Variants in SLC25A21 observed in about 807,000 individuals in gnomAD.
SLC25A21 encodes the protein mitochondrial 2-oxodicarboxylate carrier.
A neutral mutation model predicts 43.8 loss-of-function variants in SLC25A21; 47 were observed. That is an observed-to-expected ratio of 1.07 (90% CI 0.85 to 1.37). The LOEUF (loss-of-function observed/expected upper bound fraction) is 1.37. Ranked by LOEUF, SLC25A21 falls within the 40% of genes most tolerant of loss-of-function variation. The probability of loss-of-function intolerance (pLI) is 0.00; values close to 1 mark genes in which losing one functional copy is unlikely to be tolerated. For missense variants in SLC25A21, 352 were observed against 350.2 expected (o/e 1.00, Z -0.04); for synonymous variants, 131 against 121.3 (o/e 1.08, Z -0.52).
chr14:36,740,624 C>A lies in SLC25A21; in HGVS notation c.204-6051G>T, dbSNP rs1005356468. On this transcript the variant is annotated intron_variant, in intron 3 of 9. Transcript: ENST00000331299. ...AAAATAATTTTATCCCTCATTCAAC[C>A]CCCCCACCCCCATCTTAAAAGTGTG... Among the ~76,000 whole-genome samples the A allele has an allele frequency of 3.8e-4, 50 of 132,180 alleles. No individual in the cohort carries two copies. In the Middle Eastern group the frequency reaches 0.012, roughly 32 times the overall value. 86.7% of individuals were successfully genotyped at this position (132,180 alleles called of 152,430 possible). A position where few individuals can be genotyped will look rare whatever the true frequency, so the allele number is the denominator to read the frequency against.
intron 2 of SLC25A21, among the ~76,000 whole-genome samples, chr14:36,826,932 T>C (rs971294023): frequency 1.3e-5 from 2 of 152,178 alleles, no homozygotes; most frequent in Non-Finnish European, 2.9e-5. Flanking sequence ...CTCTAAGGGC[T>C]TAATAGTGTC....
At chr14:36,684,700 C>T (rs373715236) in intron 8 of SLC25A21, 44 bp downstream of exon 8, 46 of 1,541,748 alleles carry the variant, frequency 3.0e-5, no homozygotes, top group Non-Finnish European at 3.3e-5. Context: ...TCTAACAATA[C>T]GTGAGCCTCA....
chr14:36,696,643 G>GT (rs1566505901), intron 7 of SLC25A21, among the ~76,000 whole-genome samples: 2 of 151,048 alleles, frequency 1.3e-5, no homozygotes, highest in East Asian at 2.0e-4. Context: ...TTGGGAGGGT[G>GT]TATGTGTCCA....
At chr14:37,082,409 T>A (rs1029892411) in intron 1 of SLC25A21, among the ~76,000 whole-genome samples, 1 of 152,148 alleles carries the variant, frequency 6.6e-6, no homozygotes, top group East Asian at 1.9e-4. Context: ...TGAAATTTTT[T>A]AAAAACCTAA....
rs528716559 is a variant in SLC25A21 at position 36,682,038 on chromosome 14, T to C, written c.839-1319A>G. Among the ~76,000 whole-genome samples, 4 of 152,226 alleles carry C rather than the reference T, an allele frequency of 2.6e-5. No individual in the cohort carries two copies. The South Asian group carries it at 6.2e-4, about 24-fold the overall frequency. The stretch of plus-strand genomic sequence containing the variant: ...AATCACAGACTTCAAGATTCTTTCA[T>C]GGAAGGTACCTGATTGTTAGCCACA... On this transcript the variant is annotated intron_variant, in intron 9 of 9. Coordinates refer to ENST00000331299, the MANE Select transcript of SLC25A21 (RefSeq NM_030631.4).
chr14:36,993,708 G>GGGA (rs754139247), intron 1 of SLC25A21, among the ~76,000 whole-genome samples: 33 of 152,212 alleles, frequency 2.2e-4, no homozygotes, highest in Non-Finnish European at 3.7e-4. Flanking sequence ...CATCATAAAT[G>GGGA]TTAACTAGTG....
chr14:36,937,737 A>G (rs1892459770), intron 1 of SLC25A21, among the ~76,000 whole-genome samples: 2 of 152,184 alleles, frequency 1.3e-5, no homozygotes. Context: ...TCAGCCACAC[A>G]GGGAGCCAGA....
At chr14:36,967,926 C>A (rs1041815034) in intron 1 of SLC25A21, among the ~76,000 whole-genome samples, 15 of 152,242 alleles carry the variant, frequency 9.9e-5, no homozygotes, top group African/African-American at 3.4e-4. Flanking sequence ...AATGGTCACC[C>A]AAACGAGTGC....
intron 3 of SLC25A21, among the ~76,000 whole-genome samples, chr14:36,782,950 A>T (rs1488407941): frequency 7.9e-6 from 1 of 126,472 alleles, no homozygotes; most frequent in Non-Finnish European, 1.7e-5. Flanking sequence ...CTTAAAGTAT[A>T]ATAAAAAAAT....
chr14:36,776,396 C>G (rs984188955), intron 3 of SLC25A21, among the ~76,000 whole-genome samples: 1 of 151,554 alleles, frequency 6.6e-6, no homozygotes, highest in Non-Finnish European at 1.5e-5. Flanking sequence ...GCCACCATGC[C>G]AGGCTAATTT....
At chr14:37,083,827 C>G (rs531801373) in intron 1 of SLC25A21, among the ~76,000 whole-genome samples, 1 of 152,302 alleles carries the variant, frequency 6.6e-6, no homozygotes, top group African/African-American at 2.4e-5. Context: ...AAGCACTACT[C>G]TAAACCACTA....
At chr14:36,898,397 G>A (rs1242533393) in intron 1 of SLC25A21, among the ~76,000 whole-genome samples, 1 of 152,154 alleles carries the variant, frequency 6.6e-6, no homozygotes, top group East Asian at 1.9e-4. Context: ...GCAGTATTAG[G>A]GTGGGAGTGA....
At chr14:36,816,490 T>A (rs972632687) in intron 2 of SLC25A21, among the ~76,000 whole-genome samples, 1 of 148,614 alleles carries the variant, frequency 6.7e-6, no homozygotes, top group Non-Finnish European at 1.5e-5. Flanking sequence ...ATTTAACATA[T>A]TCTCCTCTTT....
chr14:36,866,700 T>C (rs1890223454), intron 2 of SLC25A21, among the ~76,000 whole-genome samples: 1 of 152,210 alleles, frequency 6.6e-6, no homozygotes, highest in Non-Finnish European at 1.5e-5. Context: ...CATTGCATTC[T>C]AGGCTTGTGC....
At chr14:36,999,306 T>C (rs1242657616) in intron 1 of SLC25A21, among the ~76,000 whole-genome samples, 1 of 152,164 alleles carries the variant, frequency 6.6e-6, no homozygotes, top group Non-Finnish European at 1.5e-5. Context: ...ATGGTTCTAA[T>C]CATATAGCAT....
intron 3 of SLC25A21, among the ~76,000 whole-genome samples, chr14:36,761,889 A>C (rs1308764248): frequency 1.3e-5 from 2 of 152,132 alleles, no homozygotes; most frequent in Non-Finnish European, 2.9e-5. Flanking sequence ...GTTTAATTTT[A>C]GTTTTTGTTC....
chr14:36,868,551 T>C (rs568801348), intron 2 of SLC25A21, among the ~76,000 whole-genome samples: 1 of 152,170 alleles, frequency 6.6e-6, no homozygotes, highest in Non-Finnish European at 1.5e-5. Context: ...GTGCCTGGAA[T>C]CTCGCCATAA....
chr14:36,961,282 G>T (rs2037974234), intron 1 of SLC25A21, among the ~76,000 whole-genome samples: 1 of 151,658 alleles, frequency 6.6e-6, no homozygotes, highest in Non-Finnish European at 1.5e-5. Flanking sequence ...CACAACCTCG[G>T]CTCACTGCAA....
intron 1 of SLC25A21, among the ~76,000 whole-genome samples, chr14:36,926,823 A>G (rs1892145459): frequency 6.6e-6 from 1 of 152,162 alleles, no homozygotes; most frequent in South Asian, 2.1e-4. Flanking sequence ...TGTGTTTCCA[A>G]CTAAATCTAA....
Sources: allele counts gnomAD v4.1 joint callset (sites outside exome capture counted in the v4.1 genomes callset), GRCh38; gene constraint gnomAD v4.1.1; transcripts MANE v1.5; gene names NCBI Gene and HGNC (gene_info 2026-07-23, HGNC 2026-07-21).